KLHL8: variants seen among roughly 807,000 people sequenced by gnomAD.
KLHL8 encodes kelch-like protein 8.
A neutral mutation model predicts 63.5 loss-of-function variants in KLHL8; 38 were observed. The observed-to-expected ratio is 0.60, with a 90% CI of 0.46 to 0.78. The LOEUF (loss-of-function observed/expected upper bound fraction) is 0.78. Among genes scored for constraint, KLHL8 ranks in the 30% least tolerant of loss-of-function variants. The probability of loss-of-function intolerance (pLI) is 0.00; values close to 1 mark genes in which losing one functional copy is unlikely to be tolerated. For synonymous variants in KLHL8, 224 were observed against 254.3 expected (o/e 0.88, Z 1.13); for missense variants, 566 against 752.4 (o/e 0.75, Z 2.90).
At chr4:87,166,341 T>C (rs942715900) in intron 8 of KLHL8, among the ~76,000 whole-genome samples, 3 of 152,226 alleles carry the variant, frequency 2.0e-5, no homozygotes, top group South Asian at 2.1e-4. Context: ...ATAAGAAATA[T>C]GTTAAGTAAC....
intron 8 of KLHL8, among the ~76,000 whole-genome samples, chr4:87,169,345 T>G (rs989452904): frequency 3.3e-5 from 5 of 152,184 alleles, no homozygotes; most frequent in African/African-American, 1.2e-4. Flanking sequence ...ACTTGAAGTA[T>G]TCAACATAAT....
chr4:87,220,835 T>C (rs1732816763), upstream of KLHL8: 1 of 152,232 alleles, frequency 6.6e-6, no homozygotes, highest in Non-Finnish European at 1.5e-5. Flanking sequence ...ACTGCCTAAA[T>C]ACCTTTGAGC....
intron 1 of KLHL8, 35 bp from the exon 2 acceptor site, chr4:87,195,725 C>A: frequency 2.2e-5 from 10 of 464,604 alleles, no homozygotes; most frequent in Non-Finnish European, 2.3e-5. Context: ...TAGAGACAAA[C>A]GAAAAGAAAA....
rs61336065 is a variant in KLHL8 at position 87,163,208 on chromosome 4, TAGAG to T, written c.*307_*310del. 7.4e-5 allele frequency: 15 copies of T among 202,248 alleles called. No homozygotes were observed. Among genetic ancestry groups the T allele is most frequent in the African/African-American group, 9.5e-5 (4 of 42,156 alleles). 12.5% of individuals were successfully genotyped at this position (202,248 alleles called of 1,614,324 possible). On this transcript the variant is annotated 3_prime_UTR_variant, in exon 10 of 10. Transcript: ENST00000273963. Reference sequence around the variant, plus strand: ...CAAATTACATTTTGATTCATCCAAATAGAGAGAGAGAGAGAGATTTCAAGATTTT... The same window carrying T: ...CAAATTACATTTTGATTCATCCAAATAGAGAGAGAGAGATTTCAAGATTTT...
intron 5 of KLHL8, among the ~76,000 whole-genome samples, chr4:87,177,113 C>G (rs529367298): frequency 8.5e-5 from 13 of 152,222 alleles, no homozygotes; most frequent in Middle Eastern, 3.4e-3. Context: ...TATCGCCCCC[C>G]CTTAGGCTTC....
chr4:87,173,095 C>A (rs1730693120), intron 6 of KLHL8, among the ~76,000 whole-genome samples: 1 of 152,164 alleles, frequency 6.6e-6, no homozygotes, highest in South Asian at 2.1e-4. Context: ...TCTTTGCTCT[C>A]TTTCATCGCC....
intron 4 of KLHL8, 23 bp from the exon 5 acceptor site, chr4:87,178,643 G>A: frequency 6.7e-7 from 1 of 1,494,156 alleles, no homozygotes; most frequent in Non-Finnish European, 8.9e-7. Flanking sequence ...CCACAAAATA[G>A]AGATAAATCA....
intron 1 of KLHL8, among the ~76,000 whole-genome samples, chr4:87,228,108 T>C (rs190124683): frequency 2.6e-5 from 4 of 152,272 alleles, no homozygotes; most frequent in South Asian, 2.1e-4. Flanking sequence ...GGGCAACACC[T>C]CCTGACTCTA....
intron 8 of KLHL8, chr4:87,167,135 T>C: frequency 2.1e-6 from 1 of 476,130 alleles, no homozygotes; most frequent in Non-Finnish European, 4.0e-6. Flanking sequence ...AACGTTATTT[T>C]ATCAAGATAA....
At chr4:87,209,848 GT>G (rs35717106) in intron 1 of KLHL8, among the ~76,000 whole-genome samples, 49,123 of 105,260 alleles carry the variant, frequency 0.47, 10,538 homozygotes, top group Middle Eastern at 0.59. Context: ...TCCGTTTTGG[GT>G]TTTTTTTTTT....
rs1730256531 is a variant in KLHL8 at position 87,163,554 on chromosome 4, C to T, written c.1828G>A (p.Gly610Ser). Residue 610 changes from glycine to serine, a missense_variant, in exon 10 of 10, where the codon GGT (glycine) becomes AGT (serine). Transcript: ENST00000273963. Reference protein sequence around the residue: ...SCLTSQIRDVGHGSNNVVDCM With the variant: ...SCLTSQIRDVSHGSNNVVDCM Reference sequence around the variant, plus strand: ...TCAACCACATTATTGGATCCATGACCTACATCTCGAATTTGGCTAGTTAAA... The same window carrying T: ...TCAACCACATTATTGGATCCATGACTTACATCTCGAATTTGGCTAGTTAAA... The T allele has an allele frequency of 6.2e-7, 1 of 1,614,126 alleles. No homozygotes were observed. The highest frequency in any genetic ancestry group is 8.5e-7 in the Non-Finnish European group (1 of 1,180,004).
chr4:87,208,184 A>G (rs1246511960), intron 1 of KLHL8: 3 of 344,868 alleles, frequency 8.7e-6, no homozygotes, highest in Non-Finnish European at 1.7e-5. Flanking sequence ...CCCCCACTAC[A>G]CTGAGAATCT....
chr4:87,214,415 GATATATATATATATATATATATATATAT>G (rs58112792), intron 1 of KLHL8, among the ~76,000 whole-genome samples: 29,516 of 93,630 alleles, frequency 0.32, 4,804 homozygotes, highest in East Asian at 0.53. Context: ...GCACATAACA[GATATATATATATATATATATATATATAT>G]ATATATATAT....
intron 1 of KLHL8, among the ~76,000 whole-genome samples, chr4:87,196,360 T>C (rs1320722228): frequency 6.6e-6 from 1 of 152,152 alleles, no homozygotes; most frequent in East Asian, 1.9e-4. Flanking sequence ...CTTCCAGCTA[T>C]ACAATTTAGT....
chr4:87,164,195 G>T, intron 8 of KLHL8, 116 bp from the exon 9 acceptor site: 1 of 978,344 alleles, frequency 1.0e-6, no homozygotes, highest in Non-Finnish European at 1.5e-6. Context: ...ATGGTTTAGA[G>T]AAAATTTTTT....
intron 1 of KLHL8, among the ~76,000 whole-genome samples, chr4:87,228,865 G>T (rs1733078832): frequency 6.6e-6 from 1 of 152,142 alleles, no homozygotes; most frequent in South Asian, 2.1e-4. Flanking sequence ...TCCCCTAAAT[G>T]GTTGCTACCA....
At chr4:87,231,728 C>A (rs1733140834) in intron 1 of KLHL8, among the ~76,000 whole-genome samples, 1 of 152,286 alleles carries the variant, frequency 6.6e-6, no homozygotes, top group Non-Finnish European at 1.5e-5. Context: ...TCCCGAGCAG[C>A]TGGGACTACA....
intron 1 of KLHL8, among the ~76,000 whole-genome samples, chr4:87,204,075 T>C (rs928669280): frequency 2.0e-5 from 3 of 152,128 alleles, no homozygotes; most frequent in Admixed American, 6.6e-5. Context: ...ATTAAAATAA[T>C]GAACCAGGCA....
In KLHL8 at chr4:87,170,122, T is replaced by C. The variant is rs1730578901; in HGVS notation, c.1494A>G (p.Ala498=). ...CATGAAGCTTGCTAACTCCATTGCCTGCTCTTCGCTGACCCATTTCTTTAA... is the reference window on the plus strand; with the variant it reads ...CATGAAGCTTGCTAACTCCATTGCCCGCTCTTCGCTGACCCATTTCTTTAA... ...IEVKEMGQRR[A]GNGVSKLHGC... The change falls in exon 8 of 10, where the codon GCA becomes GCG. Residue 498 remains alanine (A), a synonymous_variant. Coordinates refer to ENST00000273963, the MANE Select transcript of KLHL8 (RefSeq NM_020803.5). 3 of 1,614,174 alleles carry C rather than the reference T, an allele frequency of 1.9e-6. No individual in the cohort carries two copies. The highest frequency in any genetic ancestry group is 1.7e-6 in the Non-Finnish European group (2 of 1,179,992).
Sources: allele counts gnomAD v4.1 joint callset (sites outside exome capture counted in the v4.1 genomes callset), GRCh38; gene constraint gnomAD v4.1.1; transcripts MANE v1.5; gene names NCBI Gene and HGNC (gene_info 2026-07-23, HGNC 2026-07-21).